The following HOMER2 variants were observed in gnomAD, a reference collection of about 807,000 sequenced individuals.
The protein encoded by HOMER2 is homer scaffold protein 2.
Under a neutral mutation model 47.0 loss-of-function variants are expected in HOMER2, and 27 were observed. That is an observed-to-expected ratio of 0.57 (90% CI 0.42 to 0.79). The LOEUF (loss-of-function observed/expected upper bound fraction) is 0.79, where lower values mean the gene tolerates loss of function less well. Among genes scored for constraint, HOMER2 ranks in the 30% least tolerant of loss-of-function variants. HOMER2 has a pLI of 0.00. For synonymous variants in HOMER2, 161 were observed against 163.8 expected (o/e 0.98, Z 0.13); for missense variants, 443 against 435.0 (o/e 1.02, Z -0.16).
chr15:82,888,611 A>T (rs1321254761), intron 2 of HOMER2, among the ~76,000 whole-genome samples: 1 of 50,876 alleles, frequency 2.0e-5, no homozygotes, highest in Non-Finnish European at 3.3e-5. Context: ...GCCGTTTCTT[A>T]AGCCGGTCTG....
chr15:82,977,652 C>T (rs1310197097), intron 1 of HOMER2, among the ~76,000 whole-genome samples: 1 of 152,174 alleles, frequency 6.6e-6, no homozygotes, highest in Non-Finnish European at 1.5e-5. Flanking sequence ...AGAGACATCA[C>T]ACATGGCCCC....
At chr15:82,903,646 G>A (rs1356914547) in intron 1 of HOMER2, among the ~76,000 whole-genome samples, 2 of 151,394 alleles carry the variant, frequency 1.3e-5, no homozygotes, top group Admixed American at 6.6e-5. Flanking sequence ...GGCAACAAGA[G>A]CGAAACTCCT....
upstream of HOMER2, among the ~76,000 whole-genome samples, chr15:82,953,937 G>A (rs2054557837): frequency 6.6e-6 from 1 of 151,938 alleles, no homozygotes; most frequent in Admixed American, 6.6e-5. Context: ...GTGGTGGCGT[G>A]CTCCTGTAGT....
At chr15:82,842,260 A>G (rs1318595558) in exon 2 of HOMER2, 1 of 151,896 alleles carries the variant, frequency 6.6e-6, no homozygotes, top group Non-Finnish European at 1.5e-5. Context: ...TCCAATTTCT[A>G]ATTTTTCTAA....
At chr15:82,881,085 G>T (rs1454807169) in intron 2 of HOMER2, among the ~76,000 whole-genome samples, 1 of 152,214 alleles carries the variant, frequency 6.6e-6, no homozygotes, top group Non-Finnish European at 1.5e-5. Flanking sequence ...AAGCACCCCA[G>T]GCATAAGCTT....
intron 2 of HOMER2, among the ~76,000 whole-genome samples, chr15:82,881,633 G>A (rs892692660): frequency 6.6e-6 from 1 of 152,218 alleles, no homozygotes; most frequent in African/African-American, 2.4e-5. Flanking sequence ...ATTCAAAGGA[G>A]TGAATTCTAA....
intron 1 of HOMER2, among the ~76,000 whole-genome samples, chr15:82,931,938 G>A (rs1320877885): frequency 6.6e-6 from 1 of 152,220 alleles, no homozygotes; most frequent in Non-Finnish European, 1.5e-5. Context: ...TGTCTCACAG[G>A]AGTCACTTTA....
intron 2 of HOMER2, among the ~76,000 whole-genome samples, chr15:82,889,616 G>T (rs184616278): frequency 6.6e-6 from 1 of 152,172 alleles, no homozygotes; most frequent in African/African-American, 2.4e-5. Context: ...AGGCAGGATC[G>T]AGATTGGGCT....
At chr15:82,899,198 A>G (rs960941415) in intron 1 of HOMER2, among the ~76,000 whole-genome samples, 2 of 152,228 alleles carry the variant, frequency 1.3e-5, no homozygotes, top group Non-Finnish European at 2.9e-5. Flanking sequence ...GAACTTCTGA[A>G]TCATCTGTAC....
rs1387009414 is a variant in HOMER2 at position 82,952,676 on chromosome 15, T to A, written c.-141A>T. On this transcript the variant is annotated 5_prime_UTR_variant, in exon 1 of 9. Coordinates refer to ENST00000450735, the MANE Select transcript of HOMER2 (RefSeq NM_004839.4). ...CCGGCGCCGCTCCATTCCGCGGGGC[T>A]GCGCGGCTGCCACTGCTGCCACTGC... 1.0e-6 allele frequency: 1 copy of A among 993,124 alleles called. No homozygotes were observed. Among genetic ancestry groups the A allele is most frequent in the Non-Finnish European group, 1.2e-6 (1 of 836,482 alleles). 61.5% of individuals were successfully genotyped at this position (993,124 alleles called of 1,614,324 possible).
intron 2 of HOMER2, among the ~76,000 whole-genome samples, chr15:82,882,560 C>T (rs1245194640): frequency 6.6e-6 from 1 of 152,192 alleles, no homozygotes; most frequent in African/African-American, 2.4e-5. Context: ...AACATTGTCC[C>T]GGGGAAGAAG....
intron 1 of HOMER2, among the ~76,000 whole-genome samples, chr15:82,977,166 GA>G (rs948390154): frequency 1.3e-4 from 19 of 151,106 alleles, no homozygotes; most frequent in Non-Finnish European, 2.1e-4. Flanking sequence ...GCAAAATGCT[GA>G]AAAAAAAAGT....
chr15:82,848,216 C>T (rs1105714), downstream of HOMER2, among the ~76,000 whole-genome samples: 20,056 of 152,130 alleles, frequency 0.13, 1,487 homozygotes, highest in Admixed American at 0.17. Context: ...TGGGTTCGGA[C>T]CCCATCTCCC....
intron 1 of HOMER2, among the ~76,000 whole-genome samples, chr15:82,947,114 C>T (rs1395743737): frequency 6.6e-6 from 1 of 152,198 alleles, no homozygotes; most frequent in Non-Finnish European, 1.5e-5. Context: ...AACTGCCTTA[C>T]CAATGTACAG....
chr15:82,849,346 G>A lies in HOMER2; in HGVS notation c.*369C>T, dbSNP rs2151592956. ...CTCTGAATGCTATTTGATAAAAGGA[G>A]CCTGATGGCTTGGTGTAAAGAATAT... On this transcript the variant is annotated 3_prime_UTR_variant, in exon 9 of 9. Coordinates refer to ENST00000450735, the MANE Select transcript of HOMER2 (RefSeq NM_004839.4). The A allele has an allele frequency of 5.4e-6, 1 of 185,750 alleles. No individual in the cohort carries two copies. The highest frequency in any genetic ancestry group is 1.1e-5 in the Non-Finnish European group (1 of 90,240). The allele number at this position is 185,750 out of a possible 1,614,324, so 11.5% of individuals were successfully genotyped here. A position where few individuals can be genotyped will look rare whatever the true frequency, so the allele number is the denominator to read the frequency against.
rs2054271688 is a variant in HOMER2 at position 82,941,727 on chromosome 15, C to T, written c.5+10804G>A. On this transcript the variant is annotated intron_variant, in intron 1 of 8. Transcript: ENST00000450735. ...CCAACACCTTAGCCCAAAGCTCTCT[C>T]CTTCATGCCTATACCTTCCCAAGCC... Among the ~76,000 whole-genome samples, 4 of 152,160 alleles carry T rather than the reference C, an allele frequency of 2.6e-5. No homozygotes were observed. In the South Asian group the frequency reaches 8.3e-4, roughly 32 times the overall value.
At position 82,869,505 on chromosome 15, in the gene HOMER2, CTGGAGTGCAG is replaced by C. The variant is rs554635905; in HGVS notation, c.295-5256_295-5247del. Among the ~76,000 whole-genome samples the C allele has an allele frequency of 1.1e-4, 13 of 118,134 alleles. No homozygotes were observed. The South Asian group carries it at 3.6e-3, about 33-fold the overall frequency. The allele number at this position is 118,134 out of a possible 152,430, so 77.5% of individuals were successfully genotyped here. A position where few individuals can be genotyped will look rare whatever the true frequency, so the allele number is the denominator to read the frequency against. On this transcript the variant is annotated intron_variant, in intron 3 of 8. Coordinates refer to ENST00000450735, the MANE Select transcript of HOMER2 (RefSeq NM_004839.4). ...ACAGAGTCTCACTCTGTTACCCAGGCTGGAGTGCAGTGGCGTGATCTTGCTCACTGCAACC... is the reference window on the plus strand; with the variant it reads ...ACAGAGTCTCACTCTGTTACCCAGGCTGGCGTGATCTTGCTCACTGCAACC...
At chr15:82,878,497 A>G (rs2052422855) in intron 2 of HOMER2, among the ~76,000 whole-genome samples, 2 of 152,234 alleles carry the variant, frequency 1.3e-5, no homozygotes, top group Admixed American at 1.3e-4. Flanking sequence ...CGATGGCTGG[A>G]GGTTCATTCA....
At chr15:82,853,144 C>T (rs1030953959) in intron 6 of HOMER2, among the ~76,000 whole-genome samples, 6 of 152,212 alleles carry the variant, frequency 3.9e-5, no homozygotes, top group Non-Finnish European at 8.8e-5. Context: ...CCTGCTGCTG[C>T]TGGAAACCAC....
Sources: allele counts gnomAD v4.1 joint callset (sites outside exome capture counted in the v4.1 genomes callset), GRCh38; gene constraint gnomAD v4.1.1; transcripts MANE v1.5; gene names NCBI Gene and HGNC (gene_info 2026-07-23, HGNC 2026-07-21).